FMN1: variants seen among roughly 807,000 people sequenced by gnomAD.
FMN1 encodes formin 1, also known as formin-1.
Under a neutral mutation model 132.4 loss-of-function variants are expected in FMN1, and 110 were observed. That is an observed-to-expected ratio of 0.83 (90% CI 0.71 to 0.97). The LOEUF (loss-of-function observed/expected upper bound fraction) is 0.97, where lower values mean the gene tolerates loss of function less well. Ranked by LOEUF, FMN1 falls within the 50% of genes least tolerant of loss-of-function variation. The pLI is 0.00. For missense variants in FMN1, 1,792 were observed against 1,705.3 expected (o/e 1.05, Z -0.90); for synonymous variants, 722 against 651.7 (o/e 1.11, Z -1.64).
intron 16 of FMN1, among the ~76,000 whole-genome samples, chr15:32,864,396 T>C (rs1465409224): frequency 6.6e-6 from 1 of 152,196 alleles, no homozygotes; most frequent in African/African-American, 2.4e-5. Context: ...ACACCCATTT[T>C]CTACTAAATA....
At chr15:33,017,407 T>TG (rs2035116471) in intron 6 of FMN1, among the ~76,000 whole-genome samples, 1 of 116,366 alleles carries the variant, frequency 8.6e-6, no homozygotes, top group South Asian at 2.5e-4. Flanking sequence ...GTGGGCGCAG[T>TG]AGACGGTGAG....
intron 6 of FMN1, among the ~76,000 whole-genome samples, chr15:33,011,009 T>C (rs537469628): frequency 0.01 from 30 of 2,870 alleles, no homozygotes; most frequent in African/African-American, 0.011. Context: ...CCTTCAAAAT[T>C]TGAGTTTTGT....
intron 4 of FMN1, among the ~76,000 whole-genome samples, chr15:33,096,478 T>C (rs1195032346): frequency 6.6e-6 from 1 of 152,162 alleles, no homozygotes; most frequent in Non-Finnish European, 1.5e-5. Context: ...TCGCCACCTT[T>C]TGCCTGAGTG....
In FMN1 at chr15:32,952,587, T is replaced by C. The variant is rs563517300; in HGVS notation, c.3138+11520A>G. On this transcript the variant is annotated intron_variant, in intron 9 of 20. Transcript: ENST00000616417. ...AGTTTAAAGCTGGGTTTTGTGCATA[T>C]TTTAAACTAAGGAAGTTGTACAACA... Among the ~76,000 whole-genome samples the C allele has an allele frequency of 3.9e-5, 6 of 152,256 alleles. No homozygotes were observed. The South Asian group carries it at 6.2e-4, about 16-fold the overall frequency.
intron 4 of FMN1, among the ~76,000 whole-genome samples, chr15:33,094,791 CAGACTAGGAAACTTATGTGTGGCCAT>C (rs1388399812): frequency 6.6e-6 from 1 of 152,142 alleles, no homozygotes; most frequent in Non-Finnish European, 1.5e-5. Context: ...GTGTATTACT[CAGACTAGGAAACTTATGTGTGGCCAT>C]AGTTACACTG....
At chr15:32,924,641 T>C (rs1468425846) in intron 10 of FMN1, among the ~76,000 whole-genome samples, 1 of 152,236 alleles carries the variant, frequency 6.6e-6, no homozygotes, top group African/African-American at 2.4e-5. Flanking sequence ...TTACATTTGC[T>C]GGGCATAGTG....
At chr15:32,964,859 A>G (rs566461730) in intron 8 of FMN1, among the ~76,000 whole-genome samples, 1 of 152,286 alleles carries the variant, frequency 6.6e-6, no homozygotes, top group South Asian at 2.1e-4. Context: ...ACTAACAACA[A>G]AAACCAACCA....
At chr15:33,139,377 AC>A (rs1238410079) in intron 4 of FMN1, among the ~76,000 whole-genome samples, 1 of 152,212 alleles carries the variant, frequency 6.6e-6, no homozygotes, top group African/African-American at 2.4e-5. Context: ...CGGGCGGATC[AC>A]AAGGTCAGGA....
chr15:32,885,610 G>A (rs75597392), intron 16 of FMN1, among the ~76,000 whole-genome samples: 3,279 of 152,254 alleles, frequency 0.022, 60 homozygotes, highest in East Asian at 0.092. Context: ...TAAAGCACTT[G>A]ATAGATAATA....
At position 32,883,680 on chromosome 15, in the gene FMN1, G is replaced by C. The variant is rs559572103; in HGVS notation, c.3835+4492C>G. Among the ~76,000 whole-genome samples the C allele has an allele frequency of 2.0e-5, 3 of 152,142 alleles. No individual in the cohort carries two copies. The South Asian group carries it at 6.2e-4, about 32-fold the overall frequency. Reference sequence around the variant, plus strand: ...CATTTCACCAACAACCGTGTTGCTAGTACAATCAATATCCTTTCTTCTTAA... The same window carrying C: ...CATTTCACCAACAACCGTGTTGCTACTACAATCAATATCCTTTCTTCTTAA... On this transcript the variant is annotated intron_variant, in intron 16 of 20. Transcript: ENST00000616417.
chr15:33,130,960 A>T (rs542592533), intron 4 of FMN1, among the ~76,000 whole-genome samples: 10 of 152,158 alleles, frequency 6.6e-5, no homozygotes, highest in Non-Finnish European at 1.3e-4. Context: ...AGCAAACAAT[A>T]CTTGTGATGG....
intron 4 of FMN1, among the ~76,000 whole-genome samples, chr15:33,136,764 G>T (rs185099670): frequency 4.5e-4 from 69 of 152,270 alleles, no homozygotes; most frequent in Non-Finnish European, 8.1e-4. Context: ...GAATGAGGTA[G>T]AACATAACCA....
chr15:32,825,353 G>A lies in FMN1; in HGVS notation c.3929-21021C>T, dbSNP rs547218109. ...GGCCCTGCCTAGGTGGTCTGCCCTA[G>A]TTCTAGTTGTATTCGCCCATCTTAA... On this transcript the variant is annotated intron_variant, in intron 17 of 20. Transcript: ENST00000616417. Among the ~76,000 whole-genome samples the A allele has an allele frequency of 6.9e-4, 105 of 152,360 alleles. 2 individuals carry two copies. In the Middle Eastern group the frequency reaches 0.017, roughly 25 times the overall value.
chr15:32,937,304 C>G (rs938745157), intron 9 of FMN1, among the ~76,000 whole-genome samples: 3 of 152,136 alleles, frequency 2.0e-5, no homozygotes, highest in Non-Finnish European at 4.4e-5. Context: ...TCTCTCCCTC[C>G]CAAAGGAGAA....
At chr15:32,985,856 G>A (rs2033033801) in intron 7 of FMN1, among the ~76,000 whole-genome samples, 2 of 152,070 alleles carry the variant, frequency 1.3e-5, no homozygotes, top group Admixed American at 6.5e-5. Context: ...TATTAATATT[G>A]CCATAACTGT....
At chr15:32,872,658 AG>A (rs1382189550) in intron 16 of FMN1, among the ~76,000 whole-genome samples, 2 of 152,240 alleles carry the variant, frequency 1.3e-5, no homozygotes, top group African/African-American at 4.8e-5. Flanking sequence ...TGCTGGTCTT[AG>A]GACTAGTCCC....
At chr15:32,781,850 T>A (rs903024607) in intron 19 of FMN1, among the ~76,000 whole-genome samples, 2 of 152,202 alleles carry the variant, frequency 1.3e-5, no homozygotes, top group African/African-American at 4.8e-5. Context: ...CTATATGTGA[T>A]TACTGATCAA....
intron 4 of FMN1, among the ~76,000 whole-genome samples, chr15:33,117,408 A>G (rs2039969964): frequency 6.6e-6 from 1 of 152,214 alleles, no homozygotes; most frequent in Non-Finnish European, 1.5e-5. Context: ...AGAAATACAC[A>G]GGGGCTGAGA....
chr15:32,957,771 G>A (rs1198077828), intron 9 of FMN1, among the ~76,000 whole-genome samples: 2 of 152,072 alleles, frequency 1.3e-5, no homozygotes, highest in South Asian at 2.1e-4. Context: ...CCATATTAAG[G>A]GGGTGTTATT....
Sources: allele counts gnomAD v4.1 joint callset (sites outside exome capture counted in the v4.1 genomes callset), GRCh38; gene constraint gnomAD v4.1.1; transcripts MANE v1.5; gene names NCBI Gene and HGNC (gene_info 2026-07-23, HGNC 2026-07-21).